GGA1: variants seen among roughly 807,000 people sequenced by gnomAD.
GGA1 encodes ADP-ribosylation factor-binding protein GGA1.
In GGA1, 18 loss-of-function variants were observed where a neutral mutation model predicts 76.9. The ratio of observed to expected loss-of-function variants is 0.23; its 90% CI spans 0.16 to 0.35. The LOEUF is 0.35. Ranked by LOEUF, GGA1 falls within the 10% of genes least tolerant of loss-of-function variation. The pLI, the probability that GGA1 is intolerant of heterozygous loss-of-function variation, is 1.00. For synonymous variants in GGA1, 342 were observed against 354.7 expected, an observed-to-expected ratio of 0.96 and a Z score of 0.40; for missense variants, 755 against 859.0, an observed-to-expected ratio of 0.88 and a Z score of 1.51.
chr22:37,631,922 C>A, intron 14 of GGA1, 74 bp from the exon 15 acceptor site: 2 of 1,384,128 alleles, frequency 1.4e-6, no homozygotes, highest in Non-Finnish European at 2.0e-6. Flanking sequence ...CTGAGGCCAG[C>A]CGGGTGGGGG....
intron 7 of GGA1, among the ~76,000 whole-genome samples, chr22:37,622,022 A>AC (rs1439935550): frequency 1.8e-4 from 28 of 151,972 alleles, no homozygotes; most frequent in African/African-American, 5.8e-4. Flanking sequence ...TTTTAAAATT[A>AC]TTTTTTAGTA....
chr22:37,623,487 T>C lies in GGA1; in HGVS notation c.750+20T>C, dbSNP rs776956649. The C allele has an allele frequency of 1.9e-6, 3 of 1,613,470 alleles. No homozygotes were observed. The highest frequency in any genetic ancestry group is 1.1e-5 in the South Asian group (1 of 91,074). ...ATGAAGGTGCACCTGCCTCCCTGCC[T>C]ACCCCACTCCCTGCCCACTCCACAG... On this transcript the variant is annotated intron_variant, in intron 8 of 16. Transcript: ENST00000343632. This position sits in a 1 kb window ranked among gnomAD's most constrained non-coding sequence, Gnocchi z 4.6.
In GGA1 at chr22:37,620,380, G is replaced by T. The variant is rs374379848; in HGVS notation, c.427+19G>T. ...AAGCAGGGTGAGGCACACAGAGGGT[G>T]GGGGGCGACCAGGGCCTGCCTTCCC... On this transcript the variant is annotated intron_variant, in intron 5 of 16. Transcript: ENST00000343632. 3.1e-6 allele frequency: 5 copies of T among 1,613,186 alleles called. No homozygotes were observed. Among genetic ancestry groups the T allele is most frequent in the South Asian group, 2.2e-5 (2 of 91,058 alleles).
At position 37,618,577 on chromosome 22, in the gene GGA1, C is replaced by T. The variant is rs375811610; in HGVS notation, c.303+31C>T. On this transcript the variant is annotated intron_variant, in intron 4 of 16. Transcript: ENST00000343632. ...TGCCCCCAGCCCAAGCTCAGACCTG[C>T]CCTGTCGGATGTGGGGAGAGGAAAG... 13 of 1,350,532 alleles carry T rather than the reference C, an allele frequency of 9.6e-6. No homozygotes were observed. In the African/African-American group the frequency reaches 1.6e-4, roughly 16 times the overall value. 83.7% of individuals were successfully genotyped at this position (1,350,532 alleles called of 1,614,324 possible).
At chr22:37,616,154 TC>T (rs1275964928) in intron 2 of GGA1, among the ~76,000 whole-genome samples, 5 of 152,018 alleles carry the variant, frequency 3.3e-5, no homozygotes, top group Non-Finnish European at 7.4e-5. Flanking sequence ...GAGTGGACAT[TC>T]TTAGTGGGCT....
rs752855806 is a variant in GGA1 at position 37,632,018 on chromosome 22, G to A, written c.1551G>A (p.Val517=). Residue 517 remains valine (V), a synonymous_variant, in exon 15 of 17, where the codon GTG becomes GTA. Coordinates refer to ENST00000343632, the MANE Select transcript of GGA1 (RefSeq NM_013365.5). This position sits in a 1 kb window ranked among gnomAD's most constrained non-coding sequence, Gnocchi z 5.1. The part of the protein sequence containing the change: ...IKPSNILPVT[V]YDQHGFRILF... ...CAGGCAACATCCTGCCCGTGACTGT[G>A]TATGACCAGCACGGCTTCCGCATCC... 3 of 1,612,644 alleles carry A rather than the reference G, an allele frequency of 1.9e-6. No individual in the cohort carries two copies. In the South Asian group the frequency reaches 3.3e-5, roughly 18 times the overall value.
chr22:37,623,568 G>A lies in GGA1; in HGVS notation c.767G>A (p.Cys256Tyr), dbSNP rs1317647896. The A allele has an allele frequency of 6.2e-7, 1 of 1,611,518 alleles. No homozygotes were observed. ...TGCCCTCAGGAACTGTACCAGCGCTGTGAGCGGATGCGGCCCACGCTCTTC... is the reference window on the plus strand; with the variant it reads ...TGCCCTCAGGAACTGTACCAGCGCTATGAGCGGATGCGGCCCACGCTCTTC... ...EDLMKELYQR[C>Y]ERMRPTLFRL... is the part of the protein sequence containing the mutation. Residue 256 changes from cysteine to tyrosine, a missense_variant, in exon 9 of 17, where the codon TGT becomes TAT. By Grantham distance (194) the Cys-to-Tyr change is radical. Transcript: ENST00000343632. This position sits in a 1 kb window ranked among gnomAD's most constrained non-coding sequence, Gnocchi z 4.6.
intron 1 of GGA1, chr22:37,609,314 C>T (rs1349825229): frequency 2.7e-6 from 3 of 1,107,842 alleles, no homozygotes; most frequent in African/African-American, 1.7e-5. Context: ...TTTCAGGCCC[C>T]GAATCCTCCA....
Position 37,609,005 on chromosome 22 carries a change from C to T in GGA1, c.43+102C>T, listed in dbSNP as rs1196457852. ...CGGGGTACGGGTCGCCCCCTCCTCA[C>T]GCCCCGCCCCCGGCCCGGGAGGGGC... is the stretch of plus-strand genomic sequence containing the variant. On this transcript the variant is annotated intron_variant, in intron 1 of 16. Transcript: ENST00000343632. The T allele has an allele frequency of 3.7e-6, 5 of 1,365,800 alleles. No homozygotes were observed. In the South Asian group the frequency reaches 5.0e-5, roughly 14 times the overall value. The allele number at this position is 1,365,800 out of a possible 1,614,324, so 84.6% of individuals were successfully genotyped here.
intron 11 of GGA1, among the ~76,000 whole-genome samples, chr22:37,627,329 G>GGA (rs1423485156): frequency 6.6e-6 from 1 of 152,138 alleles, no homozygotes; most frequent in Non-Finnish European, 1.5e-5. Context: ...GAGTGTGGAG[G>GGA]GAGAGCTGAA....
intron 1 of GGA1, chr22:37,610,349 CT>C (rs67533573): frequency 4.1e-4 from 61 of 147,036 alleles, no homozygotes; most frequent in Admixed American, 8.8e-4. Context: ...ATAGCTTCTT[CT>C]TTTTTTTTTT....
At chr22:37,619,026 G>A (rs1016476011) in intron 4 of GGA1, among the ~76,000 whole-genome samples, 18 of 152,130 alleles carry the variant, frequency 1.2e-4, no homozygotes, top group East Asian at 5.8e-4. Flanking sequence ...GGCCATCCCC[G>A]GCTCAGCCCA....
In GGA1 at chr22:37,632,533, A is replaced by T. The variant is rs1332205938; in HGVS notation, c.1809+18A>T. On this transcript the variant is annotated intron_variant, in intron 16 of 16. Transcript: ENST00000343632. The surrounding 1 kb of genome is among the most constrained non-coding windows in gnomAD (Gnocchi z 5.1). ...CCCAGAAGGTAAGGGGCCCCCAGGCAGTGCTGCAGGGTGGGGACGGCCACT... is the reference window on the plus strand; with the variant it reads ...CCCAGAAGGTAAGGGGCCCCCAGGCTGTGCTGCAGGGTGGGGACGGCCACT... 7.5e-6 allele frequency: 12 copies of T among 1,592,546 alleles called. No individual in the cohort carries two copies. Among genetic ancestry groups the T allele is most frequent in the African/African-American group, 1.3e-5 (1 of 74,400 alleles).
chr22:37,616,087 C>G (rs1415360750), intron 2 of GGA1, among the ~76,000 whole-genome samples: 2 of 152,144 alleles, frequency 1.3e-5, no homozygotes, highest in Non-Finnish European at 2.9e-5. Context: ...CATGATCCAC[C>G]TGCCTCGGCC....
At chr22:37,621,518 G>A (rs912673154) in intron 6 of GGA1, 98 bp from the exon 7 acceptor site, 3 of 731,580 alleles carry the variant, frequency 4.1e-6, no homozygotes, top group Admixed American at 2.3e-5. Flanking sequence ...ACTTACTCAG[G>A]TCCCACAGGC....
intron 4 of GGA1, chr22:37,619,867 G>T (rs747083812): frequency 3.9e-6 from 3 of 766,318 alleles, no homozygotes; most frequent in Admixed American, 3.5e-5. Context: ...GTAGGCCCAG[G>T]GCCTCCCAGT....
At position 37,632,295 on chromosome 22, in the gene GGA1, A is replaced by G. The variant is rs1374375856; in HGVS notation, c.1699-110A>G. On this transcript the variant is annotated intron_variant, in intron 15 of 16. Coordinates refer to ENST00000343632, the MANE Select transcript of GGA1 (RefSeq NM_013365.5). The surrounding 1 kb of genome is among the most constrained non-coding windows in gnomAD (Gnocchi z 5.1). Reference sequence around the variant, plus strand: ...GGGTGGTTGGTGTAGAAGGGACCAGAAGGACTGAGCCCCAGGATCCCCGGA... The same window carrying G: ...GGGTGGTTGGTGTAGAAGGGACCAGGAGGACTGAGCCCCAGGATCCCCGGA... 4 of 1,293,768 alleles carry G rather than the reference A, an allele frequency of 3.1e-6. No individual in the cohort carries two copies. Among genetic ancestry groups the G allele is most frequent in the Non-Finnish European group, 4.4e-6 (4 of 905,576 alleles). 80.1% of individuals were successfully genotyped at this position (1,293,768 alleles called of 1,614,324 possible).
intron 11 of GGA1, chr22:37,626,203 G>T: frequency 2.8e-6 from 1 of 358,942 alleles, no homozygotes. Context: ...CAGCATTCAG[G>T]CTCTGGCAGC....
chr22:37,619,354 C>A (rs1391517115), intron 4 of GGA1, among the ~76,000 whole-genome samples: 1 of 147,574 alleles, frequency 6.8e-6, no homozygotes, highest in Non-Finnish European at 1.5e-5. Context: ...CGTGAGCCAC[C>A]ATGCCCGGCC....
Sources: allele counts gnomAD v4.1 joint callset (sites outside exome capture counted in the v4.1 genomes callset), GRCh38; gene constraint gnomAD v4.1.1; non-coding constraint Gnocchi (gnomAD v3.1); transcripts MANE v1.5; gene names NCBI Gene and HGNC (gene_info 2026-07-23, HGNC 2026-07-21).